The following MARCHF1 variants were observed in gnomAD, a reference collection of about 807,000 sequenced individuals.
MARCHF1 encodes E3 ubiquitin-protein ligase MARCHF1.
MARCHF1 carries 40 observed loss-of-function variants against 54.2 expected under a neutral mutation model. The observed-to-expected ratio is 0.74, with a 90% CI of 0.57 to 0.96. The LOEUF (loss-of-function observed/expected upper bound fraction) is 0.96. Ranked by LOEUF, MARCHF1 falls within the 40% of genes least tolerant of loss-of-function variation. The pLI is 0.00. For synonymous variants in MARCHF1, 236 were observed against 236.3 expected, an observed-to-expected ratio of 1.00 and a Z score of 0.01; for missense variants, 586 against 656.5, an observed-to-expected ratio of 0.89 and a Z score of 1.17.
At position 163,925,246 on chromosome 4, in the gene MARCHF1, T is replaced by A. The variant is rs545942367; in HGVS notation, c.-39+63255A>T. ...GATTAATAAGAAAAAAACAATAAGGTTTTATTCATACCCGAAGCCATTCAG... is the reference window on the plus strand; with the variant it reads ...GATTAATAAGAAAAAAACAATAAGGATTTATTCATACCCGAAGCCATTCAG... On this transcript the variant is annotated intron_variant, in intron 3 of 9. Transcript: ENST00000514618. Among the ~76,000 whole-genome samples, 87 of 151,932 alleles carry A rather than the reference T, an allele frequency of 5.7e-4. 1 individual carries two copies. The highest frequency in any genetic ancestry group is 2.0e-3 in the African/African-American group (81 of 41,520).
intron 4 of MARCHF1, among the ~76,000 whole-genome samples, chr4:163,835,614 ATCT>A (rs1370298942): frequency 1.3e-5 from 2 of 152,158 alleles, no homozygotes; most frequent in African/African-American, 4.8e-5. Context: ...CTATCCATAA[ATCT>A]TCTTCCACCA....
At chr4:163,841,591 T>C (rs1056947173) in intron 4 of MARCHF1, among the ~76,000 whole-genome samples, 1 of 152,118 alleles carries the variant, frequency 6.6e-6, no homozygotes, top group Non-Finnish European at 1.5e-5. Flanking sequence ...TATTCTCACA[T>C]AGTCAGAGGC....
intron 1 of MARCHF1, among the ~76,000 whole-genome samples, chr4:164,220,958 T>C (rs996785191): frequency 4.0e-5 from 6 of 151,782 alleles, no homozygotes; most frequent in African/African-American, 1.5e-4. Flanking sequence ...CCTCAAATCA[T>C]TTTTGTTTGT....
chr4:164,211,317 G>GTGTA (rs899129673), intron 1 of MARCHF1, among the ~76,000 whole-genome samples: 38 of 101,510 alleles, frequency 3.7e-4, no homozygotes, highest in African/African-American at 1.3e-3. Flanking sequence ...ACCTGCATAT[G>GTGTA]TGTATGTATG....
At chr4:163,531,676 AT>A (rs1738357893) in intron 9 of MARCHF1, among the ~76,000 whole-genome samples, 1 of 151,974 alleles carries the variant, frequency 6.6e-6, no homozygotes, top group African/African-American at 2.4e-5. Context: ...ATGATTATGT[AT>A]AAAATCTCAA....
chr4:164,137,089 T>C (rs980706518), intron 1 of MARCHF1, among the ~76,000 whole-genome samples: 11 of 152,212 alleles, frequency 7.2e-5, no homozygotes, highest in Non-Finnish European at 1.5e-4. Flanking sequence ...AACCAGTATT[T>C]TGAAATTTGA....
At position 163,585,930 on chromosome 4, in the gene MARCHF1, C is replaced by A; in HGVS notation, c.1011-1G>T. 1 of 1,600,226 alleles carries A rather than the reference C, an allele frequency of 6.2e-7. No homozygotes were observed. Among genetic ancestry groups the A allele is most frequent in the Non-Finnish European group, 8.5e-7 (1 of 1,174,022 alleles). ...TTCATCCCCTTCGCAGTGACAGATT[C>A]TGCAGAAAGACACAGCAGCCAGTAT... On this transcript the variant is annotated splice_acceptor_variant, in intron 7 of 9. Coordinates refer to ENST00000514618, the MANE Select transcript of MARCHF1 (RefSeq NM_001394959.1). LOFTEE classifies it high-confidence loss of function.
intron 3 of MARCHF1, among the ~76,000 whole-genome samples, chr4:163,893,647 A>T (rs985506553): frequency 2.0e-5 from 3 of 152,240 alleles, no homozygotes; most frequent in Non-Finnish European, 4.4e-5. Flanking sequence ...ATAGATAATT[A>T]CTATTGCTGA....
intron 2 of MARCHF1, among the ~76,000 whole-genome samples, chr4:164,009,458 C>T (rs1753371325): frequency 6.6e-6 from 1 of 152,068 alleles, no homozygotes; most frequent in Admixed American, 6.5e-5. Flanking sequence ...GACAACATTA[C>T]CCTGACACCA....
intron 1 of MARCHF1, among the ~76,000 whole-genome samples, chr4:164,374,210 A>G (rs1052135152): frequency 1.3e-5 from 2 of 152,144 alleles, no homozygotes; most frequent in African/African-American, 4.8e-5. Context: ...TATTTTTAAA[A>G]TCCACAAGAA....
intron 2 of MARCHF1, among the ~76,000 whole-genome samples, chr4:164,019,924 G>A (rs917424901): frequency 1.3e-5 from 2 of 152,112 alleles, no homozygotes; most frequent in Non-Finnish European, 2.9e-5. Flanking sequence ...AAAAGCTGTC[G>A]GGAAAGAGTA....
At chr4:163,980,718 T>C (rs1375273359) in intron 3 of MARCHF1, among the ~76,000 whole-genome samples, 1 of 152,158 alleles carries the variant, frequency 6.6e-6, no homozygotes, top group East Asian at 1.9e-4. Context: ...AAATGAACTG[T>C]AGTAGTAGTT....
At chr4:164,335,647 C>T (rs988899870) in intron 1 of MARCHF1, among the ~76,000 whole-genome samples, 8 of 151,846 alleles carry the variant, frequency 5.3e-5, no homozygotes, top group South Asian at 4.2e-4. Flanking sequence ...ACACCCTGAT[C>T]GGTCAGCAGC....
intron 1 of MARCHF1, among the ~76,000 whole-genome samples, chr4:164,327,596 T>G (rs1043476373): frequency 6.6e-6 from 1 of 152,168 alleles, no homozygotes; most frequent in Non-Finnish European, 1.5e-5. Flanking sequence ...CAGTCACCCC[T>G]GTACTCCAAG....
chr4:163,889,800 T>A (rs1350557971), intron 3 of MARCHF1, among the ~76,000 whole-genome samples: 3 of 151,332 alleles, frequency 2.0e-5, no homozygotes, highest in Admixed American at 6.6e-5. Flanking sequence ...CCTCAGCATA[T>A]ATTTTTCTAG....
intron 4 of MARCHF1, among the ~76,000 whole-genome samples, chr4:163,829,786 G>A (rs1748965857): frequency 6.6e-6 from 1 of 152,216 alleles, no homozygotes; most frequent in Non-Finnish European, 1.5e-5. Flanking sequence ...CTGTACTGAA[G>A]GGAATGTGAA....
intron 1 of MARCHF1, among the ~76,000 whole-genome samples, chr4:164,242,330 G>C (rs1431255387): frequency 8.2e-5 from 12 of 146,564 alleles, no homozygotes; most frequent in East Asian, 2.0e-4. Flanking sequence ...CCTGACCCCC[G>C]AGCAGCCTAA....
Position 163,545,665 on chromosome 4 carries a change from A to G in MARCHF1, c.1270T>C (p.Cys424Arg). 6.2e-7 allele frequency: 1 copy of G among 1,614,080 alleles called. No homozygotes were observed. Among genetic ancestry groups the G allele is most frequent in the East Asian group, 2.2e-5 (1 of 44,872 alleles). The stretch of plus-strand genomic sequence containing the variant: ...AATACATACAAAGACCAAACCACAC[A>G]GGTGATCGCGATTACGTGGAATGTG... ...SVTFHVIAITCVVWSLYVLID... is the reference protein window; with the variant it reads ...SVTFHVIAITRVVWSLYVLID... The change falls in exon 9 of 10, where the codon TGT (cysteine) becomes CGT (arginine). Residue 424 changes from cysteine to arginine, a missense_variant. By Grantham distance (180) the Cys-to-Arg change is radical. Around this residue, in one of 3 missense-constraint regions of MARCHF1, gnomAD observed 93 missense variants for 168.2 expected, o/e 0.55. Coordinates refer to ENST00000514618, the MANE Select transcript of MARCHF1 (RefSeq NM_001394959.1).
chr4:163,577,786 A>AT, intron 8 of MARCHF1, among the ~76,000 whole-genome samples: 1 of 151,866 alleles, frequency 6.6e-6, no homozygotes, highest in Admixed American at 6.6e-5. Flanking sequence ...TTTACACATT[A>AT]TTTTTCCTTA....
Sources: allele counts gnomAD v4.1 joint callset (sites outside exome capture counted in the v4.1 genomes callset), GRCh38; gene constraint gnomAD v4.1.1; regional missense constraint gnomAD v4.1.1; transcripts MANE v1.5; gene names NCBI Gene and HGNC (gene_info 2026-07-23, HGNC 2026-07-21).